The following MARCHF1 variants were observed in gnomAD, a reference collection of about 807,000 sequenced individuals.
The protein encoded by MARCHF1 is E3 ubiquitin-protein ligase MARCHF1.
In MARCHF1, 40 loss-of-function variants were observed where a neutral mutation model predicts 54.2. The observed-to-expected ratio is 0.74, with a 90% CI of 0.57 to 0.96. The LOEUF (loss-of-function observed/expected upper bound fraction) is 0.96. Ranked by LOEUF, MARCHF1 falls within the 40% of genes least tolerant of loss-of-function variation. MARCHF1 has a pLI of 0.00. For synonymous variants in MARCHF1, 236 were observed against 236.3 expected, an observed-to-expected ratio of 1.00 and a Z score of 0.01; for missense variants, 586 against 656.5, an observed-to-expected ratio of 0.89 and a Z score of 1.17.
intron 3 of MARCHF1, among the ~76,000 whole-genome samples, chr4:163,861,235 C>A (rs1178037445): frequency 6.6e-6 from 1 of 151,958 alleles, no homozygotes; most frequent in Non-Finnish European, 1.5e-5. Context: ...AGCTTGATGA[C>A]AGAGAAACTT....
In MARCHF1 at chr4:164,089,566, G is replaced by A. The variant is rs568652553; in HGVS notation, c.-248+22022C>T. On this transcript the variant is annotated intron_variant, in intron 2 of 9. Coordinates refer to ENST00000514618, the MANE Select transcript of MARCHF1 (RefSeq NM_001394959.1). ...TCATTAAATTATACACACTAAATAT[G>A]TGCAGCTCTTTGTTTAAAATAAACA... Among the ~76,000 whole-genome samples, 38 of 152,138 alleles carry A rather than the reference G, an allele frequency of 2.5e-4. No individual in the cohort carries two copies. In the South Asian group the frequency reaches 6.6e-3, roughly 27 times the overall value.
At chr4:164,376,886 G>A (rs534379331) in intron 1 of MARCHF1, among the ~76,000 whole-genome samples, 151 of 152,278 alleles carry the variant, frequency 9.9e-4, no homozygotes, top group Non-Finnish European at 1.7e-3. Flanking sequence ...CAGGACATCC[G>A]GCAGGGTCCA....
chr4:164,087,834 A>AT (rs1755222467), intron 2 of MARCHF1, among the ~76,000 whole-genome samples: 1 of 150,062 alleles, frequency 6.7e-6, no homozygotes. Context: ...GCCTCATAGC[A>AT]TTTTTCTGTG....
chr4:164,263,314 A>G (rs1579671747), intron 1 of MARCHF1, among the ~76,000 whole-genome samples: 1 of 152,178 alleles, frequency 6.6e-6, no homozygotes, highest in East Asian at 1.9e-4. Context: ...ACTACAAACC[A>G]TTTTTGATAT....
At chr4:164,245,480 C>A (rs1317213856) in intron 1 of MARCHF1, among the ~76,000 whole-genome samples, 1 of 151,982 alleles carries the variant, frequency 6.6e-6, no homozygotes, top group Non-Finnish European at 1.5e-5. Flanking sequence ...ATGACAAACC[C>A]ACAGCCAATA....
intron 4 of MARCHF1, among the ~76,000 whole-genome samples, chr4:163,714,749 C>T (rs1218520489): frequency 6.6e-6 from 1 of 152,084 alleles, no homozygotes; most frequent in Non-Finnish European, 1.5e-5. Flanking sequence ...TGGTTCACTG[C>T]AGTCACCACC....
At position 163,555,689 on chromosome 4, in the gene MARCHF1, C is replaced by T. The variant is rs557181799; in HGVS notation, c.1192-9946G>A. ...GATACTTAATTATGGATTGTGGCTT[C>T]ATAAAGAAAACAAAAGGAATAATTG... On this transcript the variant is annotated intron_variant, in intron 8 of 9. Transcript: ENST00000514618. Among the ~76,000 whole-genome samples the T allele has an allele frequency of 1.3e-3, 197 of 152,186 alleles. 2 individuals carry two copies. The highest frequency in any genetic ancestry group is 4.5e-3 in the African/African-American group (187 of 41,530).
chr4:163,743,235 AG>A, intron 4 of MARCHF1, among the ~76,000 whole-genome samples: 1 of 152,344 alleles, frequency 6.6e-6, no homozygotes, highest in South Asian at 2.1e-4. Flanking sequence ...GTCAAAAAAA[AG>A]ATTATAAAAT....
At chr4:163,689,270 G>GT (rs142116797) in intron 5 of MARCHF1, among the ~76,000 whole-genome samples, 4,515 of 152,236 alleles carry the variant, frequency 0.03, 76 homozygotes, top group East Asian at 0.078. Context: ...GTATTAGGAT[G>GT]TAAGAACTTG....
intron 1 of MARCHF1, among the ~76,000 whole-genome samples, chr4:164,298,618 A>T (rs992290705): frequency 1.3e-5 from 2 of 151,994 alleles, no homozygotes; most frequent in Admixed American, 6.6e-5. Context: ...GGCCTTTCAG[A>T]TTTGTTTTCT....
intron 4 of MARCHF1, among the ~76,000 whole-genome samples, chr4:163,832,843 G>GT (rs1749069690): frequency 1.0e-4 from 6 of 57,762 alleles, no homozygotes; most frequent in African/African-American, 2.5e-4. Flanking sequence ...TGCGGTGTTT[G>GT]GTTTTTTTGT....
intron 2 of MARCHF1, among the ~76,000 whole-genome samples, chr4:164,072,006 A>C (rs1560890721): frequency 1.3e-5 from 2 of 152,094 alleles, no homozygotes; most frequent in Admixed American, 6.6e-5. Context: ...ATGACTATGC[A>C]TCTGCAGATA....
intron 2 of MARCHF1, among the ~76,000 whole-genome samples, chr4:164,064,085 C>G (rs1754677213): frequency 6.6e-6 from 1 of 152,186 alleles, no homozygotes; most frequent in African/African-American, 2.4e-5. Flanking sequence ...AGTTTGAAGT[C>G]AGGTAGTGTG....
intron 1 of MARCHF1, among the ~76,000 whole-genome samples, chr4:164,299,151 A>G (rs1410969984): frequency 6.6e-6 from 1 of 152,168 alleles, no homozygotes; most frequent in East Asian, 1.9e-4. Flanking sequence ...TCTGACAAGT[A>G]TTTATCAGGT....
rs150314446 is a variant in MARCHF1 at position 164,215,891 on chromosome 4, C to T, written c.-322-104229G>A. 3.9e-4 allele frequency among the ~76,000 whole-genome samples: 60 copies of T among 152,180 alleles called. 2 individuals are homozygous for T. In the East Asian group the frequency reaches 7.3e-3, roughly 19 times the overall value. ...TCCATTAACCATGCTAGAGAAAATT[C>T]GGAACTTTTTATTTTATTTAAAAAG... On this transcript the variant is annotated intron_variant, in intron 1 of 9. Transcript: ENST00000514618.
intron 1 of MARCHF1, among the ~76,000 whole-genome samples, chr4:164,195,082 T>C (rs1450341552): frequency 6.6e-6 from 1 of 152,056 alleles, no homozygotes; most frequent in East Asian, 1.9e-4. Flanking sequence ...TTTTCTGCCC[T>C]TGTGTTAGTT....
chr4:164,303,296 C>A (rs1445911727), intron 1 of MARCHF1, among the ~76,000 whole-genome samples: 1 of 152,120 alleles, frequency 6.6e-6, no homozygotes, highest in Non-Finnish European at 1.5e-5. Flanking sequence ...TATTCCAGTG[C>A]AATAAAGGCA....
intron 8 of MARCHF1, among the ~76,000 whole-genome samples, chr4:163,567,809 A>G (rs1739696753): frequency 6.6e-6 from 1 of 152,152 alleles, no homozygotes. Context: ...AGACTAATAC[A>G]CAAGACTTGA....
At chr4:163,715,204 G>A (rs185288870) in intron 4 of MARCHF1, among the ~76,000 whole-genome samples, 190 of 152,270 alleles carry the variant, frequency 1.2e-3, no homozygotes, top group Non-Finnish European at 2.1e-3. Context: ...ATTAATCAGA[G>A]GCAATCATAC....
Sources: gnomAD v4.1 joint callset for allele counts (sites outside exome capture counted in the v4.1 genomes callset) on GRCh38, gnomAD v4.1.1 for gene constraint, MANE v1.5 for transcripts, NCBI Gene and HGNC (gene_info 2026-07-23, HGNC 2026-07-21) for gene names.